ZDHHC20: variants seen among roughly 807,000 people sequenced by gnomAD.
ZDHHC20 encodes zDHHC palmitoyltransferase 20.
A neutral mutation model predicts 57.8 loss-of-function variants in ZDHHC20; 43 were observed. The ratio of observed to expected loss-of-function variants is 0.74; its 90% CI spans 0.58 to 0.96. The LOEUF is 0.96. Ranked by LOEUF, ZDHHC20 falls within the 40% of genes least tolerant of loss-of-function variation. The pLI, the probability that ZDHHC20 is intolerant of heterozygous loss-of-function variation, is 0.00. For missense variants in ZDHHC20, 391 were observed against 441.1 expected, an observed-to-expected ratio of 0.89 and a Z score of 1.02; for synonymous variants, 157 against 153.0, an observed-to-expected ratio of 1.03 and a Z score of -0.19.
intron 3 of ZDHHC20, among the ~76,000 whole-genome samples, chr13:21,414,506 G>A (rs544723187): frequency 2.5e-4 from 37 of 147,240 alleles, no homozygotes; most frequent in African/African-American, 3.5e-4. Context: ...GACTACAGGC[G>A]CACGCCACTA....
intron 1 of ZDHHC20, among the ~76,000 whole-genome samples, chr13:21,433,717 G>T (rs903588121): frequency 2.0e-5 from 3 of 152,154 alleles, no homozygotes; most frequent in Non-Finnish European, 2.9e-5. Flanking sequence ...CCTGGATTTT[G>T]ACTGGCTGAA....
chr13:21,415,726 G>A (rs117226496), intron 3 of ZDHHC20, among the ~76,000 whole-genome samples: 192 of 152,254 alleles, frequency 1.3e-3, no homozygotes, highest in Admixed American at 2.1e-3. Flanking sequence ...ATTCATAGTA[G>A]AGTATAAAAA....
chr13:21,421,384 ATAAGATGAGATT>A (rs1880634535), intron 2 of ZDHHC20, among the ~76,000 whole-genome samples: 1 of 152,244 alleles, frequency 6.6e-6, no homozygotes, highest in Admixed American at 6.5e-5. Context: ...AGTCTGGTTT[ATAAGATGAGATT>A]TAAGAGGAGA....
At chr13:21,395,073 T>C (rs1224677139) in intron 7 of ZDHHC20, among the ~76,000 whole-genome samples, 1 of 148,964 alleles carries the variant, frequency 6.7e-6, no homozygotes, top group African/African-American at 2.4e-5. Flanking sequence ...TTCTTTCTTT[T>C]TTTTTTTTTT....
chr13:21,393,321 T>C (rs1364435139), intron 7 of ZDHHC20, among the ~76,000 whole-genome samples: 1 of 151,824 alleles, frequency 6.6e-6, no homozygotes, highest in Non-Finnish European at 1.5e-5. Flanking sequence ...GCCAACATGG[T>C]GAAACCCTGT....
chr13:21,381,797 G>C, intron 10 of ZDHHC20: 1 of 561,144 alleles, frequency 1.8e-6, no homozygotes, highest in Non-Finnish European at 3.3e-6. Context: ...AATTTAAAAA[G>C]CTTCAGAGGC....
intron 7 of ZDHHC20, among the ~76,000 whole-genome samples, chr13:21,393,699 CAAAAAAAAAAAAA>C (rs71093307): frequency 4.7e-5 from 3 of 63,414 alleles, no homozygotes; most frequent in South Asian, 7.6e-4. Flanking sequence ...GCAAGTCTCA[CAAAAAAAAAAAAA>C]AAAAAAAAAA....
rs369928831 is a variant in ZDHHC20, at chr13:21,459,103, G to A, written c.69C>T (p.Thr23=). The change falls in exon 1 of 13, where the codon ACC becomes ACT. Residue 23 remains threonine, a synonymous_variant. Transcript: ENST00000400590. ...CGTAGTAGGACCAGACGACCACGAA[G>A]GTGATGAAGAGCACCGGCACCCAGC... is the stretch of plus-strand genomic sequence containing the variant. ...VVGWVPVLFI[T]FVVVWSYYAY... is the part of the protein sequence containing the mutation. The A allele has an allele frequency of 6.2e-7, 1 of 1,607,248 alleles. No homozygotes were observed.
intron 1 of ZDHHC20, among the ~76,000 whole-genome samples, chr13:21,428,348 G>A (rs1881520511): frequency 6.6e-6 from 1 of 151,844 alleles, no homozygotes; most frequent in Non-Finnish European, 1.5e-5. Flanking sequence ...AACCTCCCGA[G>A]TAGCTGGGAT....
At chr13:21,441,870 GT>G (rs1883208895) in intron 1 of ZDHHC20, among the ~76,000 whole-genome samples, 1 of 152,062 alleles carries the variant, frequency 6.6e-6, no homozygotes, top group African/African-American at 2.4e-5. Flanking sequence ...CACAGAAATA[GT>G]TTTCCCTCTT....
chr13:21,400,515 C>T, intron 6 of ZDHHC20, 22 bp from the exon 7 acceptor site: 1 of 1,528,742 alleles, frequency 6.5e-7, no homozygotes, highest in East Asian at 2.5e-5. Flanking sequence ...AAGAAAGCCA[C>T]ATTATAAAAG....
intron 3 of ZDHHC20, 25 bp from the exon 4 acceptor site, chr13:21,413,797 A>C (rs1373199601): frequency 2.5e-6 from 4 of 1,580,298 alleles, no homozygotes; most frequent in African/African-American, 2.7e-5. Context: ...AGGACTATTA[A>C]ATTTTTTTAA....
chr13:21,400,586 T>TG, intron 6 of ZDHHC20, 93 bp from the exon 7 acceptor site: 1 of 1,345,110 alleles, frequency 7.4e-7, no homozygotes. Context: ...GGGGCTGGTG[T>TG]GGTGTGGGGA....
chr13:21,448,530 G>A (rs111464778), intron 1 of ZDHHC20, among the ~76,000 whole-genome samples: 1 of 95,980 alleles, frequency 1.0e-5, no homozygotes, highest in African/African-American at 3.3e-5. Flanking sequence ...CCTCTGCCCG[G>A]CCGCCCCTAC....
At chr13:21,449,221 AT>A (rs1242927024) in intron 1 of ZDHHC20, among the ~76,000 whole-genome samples, 8 of 152,054 alleles carry the variant, frequency 5.3e-5, no homozygotes, top group Admixed American at 6.6e-5. Context: ...CAATAAAAAA[AT>A]AAATTAAAAA....
At position 21,375,169 on chromosome 13, in the gene ZDHHC20, G is replaced by A. The variant is rs1593154345; in HGVS notation, c.*1527C>T. 2 of 456,418 alleles carry A rather than the reference G, an allele frequency of 4.4e-6. No homozygotes were observed. Among genetic ancestry groups the A allele is most frequent in the Non-Finnish European group, 4.4e-6 (1 of 226,932 alleles). The allele number at this position is 456,418 out of a possible 1,614,324, so 28.3% of individuals were successfully genotyped here. ...AAAAAATTTATTGGGTGAATGAAAA[G>A]TGATTTTGCAAAATTAGGCATCACA... On this transcript the variant is annotated 3_prime_UTR_variant, in exon 13 of 13. Coordinates refer to ENST00000400590, the MANE Select transcript of ZDHHC20 (RefSeq NM_001330059.2).
rs1881167844 is a variant in ZDHHC20, at chr13:21,425,679, CTAGAA to C, written c.119-6_119-2del. ...TTTTCTTCATTTCCAAAAATAGTAA[CTAGAA>C]TAGAAGAAAAAATAGTGAATAAATA... On this transcript the variant is annotated splice_acceptor_variant and splice_polypyrimidine_tract_variant and intron_variant, in intron 1 of 12. Coordinates refer to ENST00000400590, the MANE Select transcript of ZDHHC20 (RefSeq NM_001330059.2). LOFTEE classifies it high-confidence loss of function. 1.7e-6 allele frequency: 2 copies of C among 1,168,702 alleles called. No individual in the cohort carries two copies. Among genetic ancestry groups the C allele is most frequent in the African/African-American group, 1.6e-5 (1 of 62,124 alleles). The allele number at this position is 1,168,702 out of a possible 1,614,324, so 72.4% of individuals were successfully genotyped here.
chr13:21,414,527 ATTT>A (rs747307477), intron 3 of ZDHHC20, among the ~76,000 whole-genome samples: 4 of 107,514 alleles, frequency 3.7e-5, no homozygotes, highest in Admixed American at 1.1e-4. Context: ...TGCCCGGATA[ATTT>A]TTTTTTTTTT....
chr13:21,419,221 A>T (rs923432124), intron 3 of ZDHHC20, among the ~76,000 whole-genome samples: 7 of 152,262 alleles, frequency 4.6e-5, no homozygotes, highest in African/African-American at 1.4e-4. Context: ...TGATGAATAC[A>T]TTTGAAGCAA....
Sources: allele counts gnomAD v4.1 joint callset (sites outside exome capture counted in the v4.1 genomes callset), GRCh38; gene constraint gnomAD v4.1.1; transcripts MANE v1.5; gene names NCBI Gene and HGNC (gene_info 2026-07-23, HGNC 2026-07-21).